OPCML: variants seen among roughly 807,000 people sequenced by gnomAD.
OPCML encodes opioid-binding protein/cell adhesion molecule.
A neutral mutation model predicts 37.8 loss-of-function variants in OPCML; 13 were observed. The observed-to-expected ratio is 0.34, with a 90% CI of 0.22 to 0.55. The LOEUF (loss-of-function observed/expected upper bound fraction) is 0.55, where lower values mean the gene tolerates loss of function less well. Among genes scored for constraint, OPCML ranks in the 20% least tolerant of loss-of-function variants. OPCML has a pLI of 0.91. For missense variants in OPCML, 341 were observed against 435.6 expected (o/e 0.78, Z 1.93); for synonymous variants, 176 against 168.8 (o/e 1.04, Z -0.33).
chr11:132,762,041 TA>T (rs1273862575), intron 2 of OPCML, among the ~76,000 whole-genome samples: 20 of 152,342 alleles, frequency 1.3e-4, no homozygotes, highest in Admixed American at 1.0e-3. Flanking sequence ...TTCTGTTTGT[TA>T]GTTTTCCTTC....
intron 2 of OPCML, among the ~76,000 whole-genome samples, chr11:132,897,452 C>A (rs1003657033): frequency 2.0e-5 from 3 of 152,140 alleles, no homozygotes; most frequent in Non-Finnish European, 2.9e-5. Context: ...CCTGGAGGTA[C>A]AAAGAAGTTA....
At chr11:133,127,876 G>A (rs1204857701) in intron 1 of OPCML, among the ~76,000 whole-genome samples, 2 of 152,024 alleles carry the variant, frequency 1.3e-5, no homozygotes, top group Non-Finnish European at 2.9e-5. Context: ...GATAACACAG[G>A]CTTCCAAACG....
chr11:132,825,911 T>C (rs1280359015), intron 2 of OPCML, among the ~76,000 whole-genome samples: 1 of 152,186 alleles, frequency 6.6e-6, no homozygotes, highest in African/African-American at 2.4e-5. Flanking sequence ...TTCCTGCTGA[T>C]GTTTATTTGT....
At chr11:132,728,741 C>A (rs148626114) in intron 2 of OPCML, among the ~76,000 whole-genome samples, 1 of 152,156 alleles carries the variant, frequency 6.6e-6, no homozygotes, top group African/African-American at 2.4e-5. Flanking sequence ...GTAAATAGCC[C>A]ATGTGAACTC....
intron 1 of OPCML, among the ~76,000 whole-genome samples, chr11:133,217,289 T>C (rs1939625671): frequency 6.6e-6 from 1 of 152,206 alleles, no homozygotes; most frequent in African/African-American, 2.4e-5. Context: ...GGCACACCCT[T>C]GTTTTTGTAA....
chr11:132,662,635 G>A (rs1942033081), intron 2 of OPCML, among the ~76,000 whole-genome samples: 1 of 152,234 alleles, frequency 6.6e-6, no homozygotes, highest in African/African-American at 2.4e-5. Flanking sequence ...AAGGAATGGA[G>A]AGTGTATCAT....
intron 1 of OPCML, among the ~76,000 whole-genome samples, chr11:133,415,373 G>C (rs181807088): frequency 6.6e-6 from 1 of 151,292 alleles, no homozygotes. Context: ...TAGTGCCACC[G>C]CACTCCAGCC....
intron 2 of OPCML, among the ~76,000 whole-genome samples, chr11:132,814,258 T>C (rs776523427): frequency 1.3e-5 from 2 of 152,180 alleles, no homozygotes; most frequent in Non-Finnish European, 2.9e-5. Context: ...ACAGAACTAA[T>C]AGGAGATTAT....
intron 3 of OPCML, among the ~76,000 whole-genome samples, chr11:132,564,350 C>T (rs1368431754): frequency 6.6e-6 from 1 of 152,330 alleles, no homozygotes; most frequent in East Asian, 1.9e-4. Context: ...CTAACCGCTT[C>T]CTTCCACAAC....
intron 1 of OPCML, among the ~76,000 whole-genome samples, chr11:133,330,835 T>C (rs1203001894): frequency 6.6e-6 from 1 of 152,162 alleles, no homozygotes; most frequent in Non-Finnish European, 1.5e-5. Context: ...TAAAGTATAA[T>C]AATAATAAAA....
intron 1 of OPCML, among the ~76,000 whole-genome samples, chr11:132,981,140 C>A (rs957522647): frequency 2.0e-5 from 3 of 152,208 alleles, no homozygotes; most frequent in Admixed American, 6.5e-5. Flanking sequence ...AACGTCGTTA[C>A]GCAGTGCATG....
chr11:132,814,580 T>C (rs1939524310), intron 2 of OPCML, among the ~76,000 whole-genome samples: 1 of 152,226 alleles, frequency 6.6e-6, no homozygotes, highest in South Asian at 2.1e-4. Context: ...ACTACTCATA[T>C]TAAAAAGGGC....
At chr11:132,630,181 G>A (rs1250407152) in intron 3 of OPCML, among the ~76,000 whole-genome samples, 1 of 152,140 alleles carries the variant, frequency 6.6e-6, no homozygotes, top group Non-Finnish European at 1.5e-5. Context: ...TCTTACTAAA[G>A]AATAACAAAC....
At chr11:132,628,574 A>T (rs1446011123) in intron 3 of OPCML, among the ~76,000 whole-genome samples, 1 of 152,108 alleles carries the variant, frequency 6.6e-6, no homozygotes, top group Non-Finnish European at 1.5e-5. Context: ...CCACAGCTTC[A>T]ATCATCTCCT....
chr11:133,506,503 C>T lies in OPCML; in HGVS notation c.61+25761G>A, dbSNP rs547768131. Among the ~76,000 whole-genome samples the T allele has an allele frequency of 2.4e-4, 37 of 152,288 alleles. No homozygotes were observed. The South Asian group carries it at 7.7e-3, about 32-fold the overall frequency. ...GCAGGAGATGGTCTCTCCATCTTTG[C>T]CTCTGCTCCTCTACCTGCTCTGGCG... On this transcript the variant is annotated intron_variant, in intron 1 of 7. Coordinates refer to ENST00000524381, the MANE Select transcript of OPCML (RefSeq NM_001012393.5).
chr11:132,581,607 C>T (rs916160074), intron 3 of OPCML, among the ~76,000 whole-genome samples: 2 of 152,164 alleles, frequency 1.3e-5, no homozygotes, highest in Admixed American at 1.3e-4. Flanking sequence ...GAAGAGAGCT[C>T]AGCTCTGAAT....
chr11:133,353,121 C>G (rs1944178828), intron 1 of OPCML, among the ~76,000 whole-genome samples: 1 of 152,148 alleles, frequency 6.6e-6, no homozygotes, highest in Admixed American at 6.6e-5. Context: ...AGAATCACAC[C>G]TATCCAAAGC....
At chr11:132,948,983 G>A (rs1407499083) in intron 1 of OPCML, among the ~76,000 whole-genome samples, 2 of 152,236 alleles carry the variant, frequency 1.3e-5, no homozygotes, top group Admixed American at 1.3e-4. Context: ...TGGCTAGCCA[G>A]AGAAAAGTAA....
At chr11:133,176,691 G>A (rs1356834335) in intron 1 of OPCML, among the ~76,000 whole-genome samples, 1 of 152,170 alleles carries the variant, frequency 6.6e-6, no homozygotes, top group Non-Finnish European at 1.5e-5. Flanking sequence ...CTCACCAGAA[G>A]CTGATGCCAG....
Sources: allele counts gnomAD v4.1 joint callset (sites outside exome capture counted in the v4.1 genomes callset), GRCh38; gene constraint gnomAD v4.1.1; transcripts MANE v1.5; gene names NCBI Gene and HGNC (gene_info 2026-07-23, HGNC 2026-07-21).